The following ZNF609 variants were observed in gnomAD, a reference collection of about 807,000 sequenced individuals.
ZNF609 encodes zinc finger protein 609.
In ZNF609, 11 loss-of-function variants were observed where a neutral mutation model predicts 109.5. The observed-to-expected ratio is 0.10, with a 90% CI of 0.06 to 0.17. The LOEUF (loss-of-function observed/expected upper bound fraction) is 0.17, where lower values mean the gene tolerates loss of function less well. Ranked by LOEUF, ZNF609 falls within the 10% of genes least tolerant of loss-of-function variation. ZNF609 has a pLI of 1.00. For missense variants in ZNF609, 1,559 were observed against 1,772.4 expected, an observed-to-expected ratio of 0.88 and a Z score of 2.16; for synonymous variants, 646 against 662.0, an observed-to-expected ratio of 0.98 and a Z score of 0.37.
chr15:64,675,062 A>G lies in ZNF609; in HGVS notation c.2208A>G (p.Glu736=), dbSNP rs749013440. ...DKKKKDKKKK[E]SSKELESPLT... is the part of the protein sequence containing the mutation. ...AAAAGAAAGACAAAAAAAAGAAGGA[A>G]TCTTCAAAGGAACTTGAAAGTCCTC... Residue 736 remains glutamate (E), a synonymous_variant, in exon 5 of 10, where the codon GAA becomes GAG. Coordinates refer to ENST00000326648, the MANE Select transcript of ZNF609 (RefSeq NM_015042.2). 1.9e-6 allele frequency: 3 copies of G among 1,614,064 alleles called. No individual in the cohort carries two copies. The highest frequency in any genetic ancestry group is 2.7e-5 in the African/African-American group (2 of 74,920).
At chr15:64,588,404 C>A (rs1212799515) in intron 2 of ZNF609, among the ~76,000 whole-genome samples, 1 of 96,468 alleles carries the variant, frequency 1.0e-5, no homozygotes, top group Non-Finnish European at 2.0e-5. Flanking sequence ...CTCCAGCCTG[C>A]GTAACAGAGC....
rs143658939 is a variant in ZNF609 at position 64,549,660 on chromosome 15, C to CGT, written c.747+49508_747+49509dup. ...GTAATCTGGCTTCAGAGTCTGTACT[C>CGT]GTGTGTGTGTGTGTGAGTGAGAGAG... On this transcript the variant is annotated intron_variant, in intron 2 of 9. Coordinates refer to ENST00000326648, the MANE Select transcript of ZNF609 (RefSeq NM_015042.2). Among the ~76,000 whole-genome samples the CGT allele has an allele frequency of 6.0e-4, 90 of 150,928 alleles. 3 individuals carry two copies. In the South Asian group the frequency reaches 0.01, roughly 17 times the overall value.
intron 2 of ZNF609, among the ~76,000 whole-genome samples, chr15:64,552,802 C>G (rs1894505087): frequency 6.6e-6 from 1 of 152,098 alleles, no homozygotes; most frequent in Non-Finnish European, 1.5e-5. Flanking sequence ...GCACATGCAA[C>G]CGTGCCTGAC....
chr15:64,607,150 T>C (rs746411058), intron 2 of ZNF609, among the ~76,000 whole-genome samples: 20 of 143,284 alleles, frequency 1.4e-4, no homozygotes, highest in Non-Finnish European at 2.6e-4. Flanking sequence ...ATAAAAAAAA[T>C]AAATAAATAA....
chr15:64,549,513 C>T (rs1163019761), intron 2 of ZNF609, among the ~76,000 whole-genome samples: 1 of 152,072 alleles, frequency 6.6e-6, no homozygotes, highest in Admixed American at 6.6e-5. Flanking sequence ...TAATTTAATC[C>T]TCACAGTTAA....
chr15:64,679,378 T>C (rs1363887681), intron 6 of ZNF609, among the ~76,000 whole-genome samples: 2 of 152,158 alleles, frequency 1.3e-5, no homozygotes, highest in African/African-American at 4.8e-5. Flanking sequence ...CCTTAAATGT[T>C]TTTTAACTTG....
chr15:64,617,831 G>A (rs1297957076), intron 2 of ZNF609, among the ~76,000 whole-genome samples: 1 of 152,142 alleles, frequency 6.6e-6, no homozygotes, highest in African/African-American at 2.4e-5. Context: ...GACATAAAGT[G>A]TTGGGAAACT....
rs1184997802 is a variant in ZNF609, at chr15:64,553,269, T to TC, written c.747+53103_747+53104insC. 2.0e-3 allele frequency among the ~76,000 whole-genome samples: 278 copies of TC among 140,588 alleles called. 3 individuals carry two copies. Among genetic ancestry groups the TC allele is most frequent in the African/African-American group, 6.8e-3 (267 of 39,396 alleles). 92.2% of individuals were successfully genotyped at this position (140,588 alleles called of 152,430 possible). A position where few individuals can be genotyped will look rare whatever the true frequency, so the allele number is the denominator to read the frequency against. Reference sequence around the variant, plus strand: ...TTTTAGATTCAGCTTGTCCATGCCTTAAAAAAAAAAAAAAAGCCTACTGGG... The same window carrying TC: ...TTTTAGATTCAGCTTGTCCATGCCTTCAAAAAAAAAAAAAAAGCCTACTGGG... On this transcript the variant is annotated intron_variant, in intron 2 of 9. Coordinates refer to ENST00000326648, the MANE Select transcript of ZNF609 (RefSeq NM_015042.2).
At chr15:64,655,386 A>C (rs1363530631) in intron 3 of ZNF609, among the ~76,000 whole-genome samples, 1 of 152,060 alleles carries the variant, frequency 6.6e-6, no homozygotes, top group East Asian at 1.9e-4. Flanking sequence ...TGGTGAGCCA[A>C]GATCGTGCCA....
intron 1 of ZNF609, among the ~76,000 whole-genome samples, chr15:64,489,113 TAAAAA>T (rs900329503): frequency 2.0e-5 from 3 of 147,420 alleles, no homozygotes; most frequent in Non-Finnish European, 3.0e-5. Context: ...TGTCTCAAAA[TAAAAA>T]AAAAGGAAAA....
intron 2 of ZNF609, among the ~76,000 whole-genome samples, chr15:64,556,156 A>AT (rs34788011): frequency 1.2e-4 from 18 of 147,420 alleles, no homozygotes; most frequent in East Asian, 1.0e-3. Flanking sequence ...CACCTGGCCA[A>AT]TTTTTTTTTT....
intron 3 of ZNF609, among the ~76,000 whole-genome samples, chr15:64,648,745 CAAAAAAAAAA>C (rs1162012248): frequency 1.4e-5 from 1 of 72,428 alleles, no homozygotes; most frequent in African/African-American, 5.2e-5. Context: ...CACCACATAC[CAAAAAAAAAA>C]AAAAAAAAAA....
At chr15:64,615,361 T>A (rs1455736436) in intron 2 of ZNF609, among the ~76,000 whole-genome samples, 1 of 151,728 alleles carries the variant, frequency 6.6e-6, no homozygotes, top group Non-Finnish European at 1.5e-5. Context: ...CAGGCTGGTC[T>A]GAAACTCCTG....
chr15:64,629,115 G>A (rs920466489), intron 3 of ZNF609, among the ~76,000 whole-genome samples: 2 of 151,994 alleles, frequency 1.3e-5, no homozygotes, highest in African/African-American at 4.8e-5. Flanking sequence ...CTTTATAACT[G>A]GTTATTCTCT....
At chr15:64,641,778 C>T (rs1291196477) in intron 3 of ZNF609, among the ~76,000 whole-genome samples, 1 of 152,002 alleles carries the variant, frequency 6.6e-6, no homozygotes, top group Non-Finnish European at 1.5e-5. Context: ...TAAGGGTCTC[C>T]AGAGGCTTTG....
intron 1 of ZNF609, among the ~76,000 whole-genome samples, chr15:64,487,443 A>G (rs1252585290): frequency 2.0e-5 from 3 of 152,190 alleles, no homozygotes; most frequent in Admixed American, 2.0e-4. Context: ...TGCACAACTC[A>G]GTTTTTCCAT....
intron 1 of ZNF609, among the ~76,000 whole-genome samples, chr15:64,497,753 T>C (rs1477538286): frequency 2.6e-5 from 4 of 151,614 alleles, no homozygotes; most frequent in Admixed American, 6.6e-5. Flanking sequence ...GAATACAAGT[T>C]AGTCAGTCAT....
chr15:64,494,495 CTT>C (rs1879838457), intron 1 of ZNF609, among the ~76,000 whole-genome samples: 1 of 152,102 alleles, frequency 6.6e-6, no homozygotes. Context: ...CACAGAGTTA[CTT>C]TCTTCCACAC....
chr15:64,628,190 A>T (rs1896003419), intron 3 of ZNF609, among the ~76,000 whole-genome samples: 1 of 151,968 alleles, frequency 6.6e-6, no homozygotes, highest in African/African-American at 2.4e-5. Flanking sequence ...AGTCCCAGCT[A>T]CTCAGGAGGC....
Sources: allele counts gnomAD v4.1 joint callset (sites outside exome capture counted in the v4.1 genomes callset), GRCh38; gene constraint gnomAD v4.1.1; transcripts MANE v1.5; gene names NCBI Gene and HGNC (gene_info 2026-07-23, HGNC 2026-07-21).